The following SPMAP2L variants were observed in gnomAD, a reference collection of about 807,000 sequenced individuals.
SPMAP2L encodes the protein sperm microtubule associated protein 2-like.
the SPMAP2L span, among the ~76,000 whole-genome samples, chr4:56,536,657 A>G: frequency 5.4e-3 from 824 of 152,322 alleles, 10 homozygotes; most frequent in African/African-American, 0.019. Context: ...TAGCATTGTC[A>G]AAAAGATTCA....
At chr4:56,592,927 G>A in the SPMAP2L span, 1 of 1,606,290 alleles carries the variant, frequency 6.2e-7, no homozygotes, top group Non-Finnish European at 8.5e-7. Flanking sequence ...TTGATGAATT[G>A]ATCGAGAAGA....
At chr4:56,601,000 G>C in the SPMAP2L span, 1 of 1,535,454 alleles carries the variant, frequency 6.5e-7, no homozygotes, top group Admixed American at 2.0e-5. Context: ...GTCCAAGTCT[G>C]TTCATCAAGA....
chr4:56,571,324 A>G, the SPMAP2L span, among the ~76,000 whole-genome samples: 4 of 135,922 alleles, frequency 2.9e-5, no homozygotes, highest in African/African-American at 1.0e-4. Context: ...AAACTTTTAA[A>G]ACTTTTTTTT....
At chr4:56,599,436 G>A in the SPMAP2L span, among the ~76,000 whole-genome samples, 1 of 152,164 alleles carries the variant, frequency 6.6e-6, no homozygotes, top group East Asian at 1.9e-4. Flanking sequence ...GGAATGTGCA[G>A]ATTTGTTACA....
At chr4:56,615,575 C>A in the SPMAP2L span, among the ~76,000 whole-genome samples, 1 of 151,982 alleles carries the variant, frequency 6.6e-6, no homozygotes, top group Non-Finnish European at 1.5e-5. Context: ...GGCGAAACCC[C>A]GTCTCTACTA....
the SPMAP2L span, among the ~76,000 whole-genome samples, chr4:56,582,440 A>G: frequency 2.6e-5 from 4 of 152,246 alleles, no homozygotes; most frequent in Non-Finnish European, 5.9e-5. Context: ...GACAAGAAGC[A>G]TATGAAAAGA....
chr4:56,611,754 T>C, the SPMAP2L span, among the ~76,000 whole-genome samples: 1,349 of 152,282 alleles, frequency 8.9e-3, 17 homozygotes, highest in African/African-American at 0.031. Flanking sequence ...TGGTGCTTTA[T>C]TGGTGCCTAT....
At chr4:56,605,854 T>C in the SPMAP2L span, among the ~76,000 whole-genome samples, 59 of 152,338 alleles carry the variant, frequency 3.9e-4, no homozygotes, top group Admixed American at 3.5e-3. Context: ...ATAAACCCTA[T>C]ATCTAATTAT....
the SPMAP2L span, among the ~76,000 whole-genome samples, chr4:56,548,991 C>CTTTT: frequency 5.7e-5 from 8 of 139,440 alleles, no homozygotes; most frequent in African/African-American, 1.1e-4. Flanking sequence ...TTCTTTCTTT[C>CTTTT]TTTTTTTTTT....
At chr4:56,609,030 CT>C in the SPMAP2L span, among the ~76,000 whole-genome samples, 1 of 148,420 alleles carries the variant, frequency 6.7e-6, no homozygotes, top group South Asian at 2.1e-4. Context: ...TCACTATTGT[CT>C]TTTTTTCTTT....
At chr4:56,620,201 G>C in the SPMAP2L span, among the ~76,000 whole-genome samples, 4 of 152,224 alleles carry the variant, frequency 2.6e-5, no homozygotes, top group Admixed American at 6.5e-5. Flanking sequence ...CCAAGAATCA[G>C]ACTGGGGCTT....
At chr4:56,575,700 A>G in the SPMAP2L span, 1 of 1,490,982 alleles carries the variant, frequency 6.7e-7, no homozygotes, top group Non-Finnish European at 9.0e-7. Flanking sequence ...ATGTCTTAGT[A>G]TTTTTGTTCT....
At chr4:56,603,592 C>A in the SPMAP2L span, 1 of 284,470 alleles carries the variant, frequency 3.5e-6, no homozygotes, top group Non-Finnish European at 6.6e-6. Context: ...TCCTCACAAG[C>A]ATCTTGGCTG....
chr4:56,587,074 G>T, the SPMAP2L span, among the ~76,000 whole-genome samples: 3 of 151,996 alleles, frequency 2.0e-5, no homozygotes, highest in African/African-American at 7.3e-5. Context: ...AGTTTGGCTT[G>T]CAAGTTTTAT....
the SPMAP2L span, chr4:56,594,424 AG>A: frequency 6.3e-7 from 1 of 1,598,902 alleles, no homozygotes; most frequent in South Asian, 1.1e-5. Context: ...ACCAAGCTCA[AG>A]GATATCAGCA....
the SPMAP2L span, chr4:56,596,739 G>A: frequency 1.7e-6 from 2 of 1,211,000 alleles, no homozygotes; most frequent in Non-Finnish European, 2.1e-6. Context: ...AGAGAATCTG[G>A]GAAGAGTGGT....
the SPMAP2L span, among the ~76,000 whole-genome samples, chr4:56,579,470 C>T: frequency 5.8e-5 from 8 of 137,028 alleles, no homozygotes; most frequent in Non-Finnish European, 1.2e-4. Context: ...CTGTAAATGC[C>T]TATATTAAAA....
At chr4:56,587,783 G>A in the SPMAP2L span, among the ~76,000 whole-genome samples, 9 of 152,200 alleles carry the variant, frequency 5.9e-5, no homozygotes, top group Non-Finnish European at 1.0e-4. Flanking sequence ...AAACATGCAT[G>A]TGCAAGTATC....
the SPMAP2L span, among the ~76,000 whole-genome samples, chr4:56,534,186 C>T: frequency 6.6e-6 from 1 of 152,310 alleles, no homozygotes; most frequent in African/African-American, 2.4e-5. Flanking sequence ...TAGAGAACCA[C>T]TTACATTTTC....
Sources: gnomAD v4.1 joint callset for allele counts (sites outside exome capture counted in the v4.1 genomes callset) on GRCh38, gnomAD v4.1.1 for gene constraint, MANE v1.5 for transcripts, NCBI Gene and HGNC (gene_info 2026-07-23, HGNC 2026-07-21) for gene names.